The following STOX2 variants were observed in gnomAD, a reference collection of about 807,000 sequenced individuals.
STOX2 encodes storkhead-box protein 2.
A neutral mutation model predicts 60.9 loss-of-function variants in STOX2; 28 were observed. The observed-to-expected ratio is 0.46, with a 90% CI of 0.34 to 0.63. The LOEUF (loss-of-function observed/expected upper bound fraction) is 0.63. Ranked by LOEUF, STOX2 falls within the 30% of genes least tolerant of loss-of-function variation. The probability of loss-of-function intolerance (pLI) is 0.01; values close to 1 mark genes in which losing one functional copy is unlikely to be tolerated. For synonymous variants in STOX2, 472 were observed against 463.9 expected (o/e 1.02, Z -0.22); for missense variants, 1,024 against 1,187.7 (o/e 0.86, Z 2.03).
At chr4:183,955,912 C>A (rs992354253) in intron 1 of STOX2, among the ~76,000 whole-genome samples, 2 of 152,134 alleles carry the variant, frequency 1.3e-5, no homozygotes, top group Non-Finnish European at 2.9e-5. Flanking sequence ...GCGCCAGTTT[C>A]CCTGGAAGAG....
chr4:183,919,438 G>C (rs578091172), intron 1 of STOX2, among the ~76,000 whole-genome samples: 1 of 152,106 alleles, frequency 6.6e-6, no homozygotes, highest in Admixed American at 6.5e-5. Context: ...AGGCCCCGCC[G>C]GGAGGTGTCT....
At position 183,906,695 on chromosome 4, in the gene STOX2, C is replaced by CT; in HGVS notation, c.-96_-95insT. On this transcript the variant is annotated 5_prime_UTR_variant, in exon 1 of 4. The change abolishes the stop of an existing upstream ORF in the 5' untranslated region. Coordinates refer to ENST00000308497, the MANE Select transcript of STOX2 (RefSeq NM_020225.3). ...GGGGCTGGGAAAATGTGCGCAGAGTCCGCCCGGGTCGTGCCCGCCGTAGAC... is the reference window on the plus strand; with the variant it reads ...GGGGCTGGGAAAATGTGCGCAGAGTCTCGCCCGGGTCGTGCCCGCCGTAGAC... The CT allele has an allele frequency of 7.6e-7, 1 of 1,321,254 alleles. No individual in the cohort carries two copies. The highest frequency in any genetic ancestry group is 3.0e-5 in the Admixed American group (1 of 33,482). The allele number at this position is 1,321,254 out of a possible 1,614,324, so 81.8% of individuals were successfully genotyped here.
intron 1 of STOX2, among the ~76,000 whole-genome samples, chr4:183,838,200 T>C (rs1038227213): frequency 2.7e-5 from 4 of 150,512 alleles, no homozygotes; most frequent in African/African-American, 9.7e-5. Flanking sequence ...TTTAAATAAT[T>C]CAATACATAT....
intron 1 of STOX2, among the ~76,000 whole-genome samples, chr4:183,955,027 T>G (rs1028637054): frequency 2.6e-5 from 4 of 152,242 alleles, no homozygotes; most frequent in South Asian, 2.1e-4. Context: ...ATTCTCATTC[T>G]CAGAGGTAAT....
chr4:184,004,172 A>C (rs986939658), intron 2 of STOX2, among the ~76,000 whole-genome samples: 4 of 152,156 alleles, frequency 2.6e-5, no homozygotes, highest in African/African-American at 4.8e-5. Context: ...TTTTGAGCCT[A>C]AGTATTATTA....
intron 1 of STOX2, among the ~76,000 whole-genome samples, chr4:183,811,098 GC>G (rs1301931855): frequency 6.6e-6 from 1 of 152,122 alleles, no homozygotes; most frequent in Non-Finnish European, 1.5e-5. Context: ...GTACAGATGG[GC>G]CTACGAGAAG....
rs924570169 is a variant in STOX2 at position 183,856,668 on chromosome 4, CG to C, written c.364+58618del. Among the ~76,000 whole-genome samples, 2 of 152,096 alleles carry C rather than the reference CG, an allele frequency of 1.3e-5. No individual in the cohort carries two copies. The highest frequency in any genetic ancestry group is 4.8e-5 in the African/African-American group (2 of 41,404). On this transcript the variant is annotated intron_variant, in intron 1 of 2. Transcript: ENST00000513034. The surrounding 1 kb of genome is among the most constrained non-coding windows in gnomAD (Gnocchi z 4.0). ...AGTTAGCTGTCTCGGACTCGGACCCCGGGGGATGATAGCTCCCTTGCCCAAG... is the reference window on the plus strand; with the variant it reads ...AGTTAGCTGTCTCGGACTCGGACCCCGGGGATGATAGCTCCCTTGCCCAAG...
intron 1 of STOX2, among the ~76,000 whole-genome samples, chr4:183,824,308 A>G (rs1391222269): frequency 6.6e-6 from 1 of 152,198 alleles, no homozygotes; most frequent in Non-Finnish European, 1.5e-5. Flanking sequence ...AATGTTCCTC[A>G]TATTTTATTA....
At chr4:183,951,611 C>T (rs546444864) in intron 1 of STOX2, among the ~76,000 whole-genome samples, 22 of 151,744 alleles carry the variant, frequency 1.4e-4, no homozygotes, top group Non-Finnish European at 2.4e-4. Flanking sequence ...CCGCTGCGCT[C>T]GGCAAGGAAG....
At chr4:183,829,266 G>GA (rs908071278) in intron 1 of STOX2, among the ~76,000 whole-genome samples, 1 of 152,048 alleles carries the variant, frequency 6.6e-6, no homozygotes, top group Non-Finnish European at 1.5e-5. Flanking sequence ...TCTTATTTTG[G>GA]AAAAATTAAA....
At chr4:183,887,268 G>GAA (rs11423476) in intron 1 of STOX2, among the ~76,000 whole-genome samples, 35 of 150,150 alleles carry the variant, frequency 2.3e-4, no homozygotes, top group East Asian at 5.8e-4. Context: ...CCGCCTGAAA[G>GAA]AAAAAAAAAA....
intron 1 of STOX2, among the ~76,000 whole-genome samples, chr4:183,818,146 G>A (rs1002156931): frequency 6.6e-6 from 1 of 151,432 alleles, no homozygotes; most frequent in African/African-American, 2.4e-5. Flanking sequence ...TCTCGCAGAG[G>A]GGGACTTGGC....
intron 1 of STOX2, among the ~76,000 whole-genome samples, chr4:183,941,593 A>G (rs1742755255): frequency 6.6e-6 from 1 of 152,120 alleles, no homozygotes; most frequent in Non-Finnish European, 1.5e-5. Context: ...GAGCACCCCA[A>G]TATTCATGCA....
chr4:184,005,250 A>C (rs1040430920), intron 2 of STOX2, among the ~76,000 whole-genome samples: 2 of 152,130 alleles, frequency 1.3e-5, no homozygotes, highest in Non-Finnish European at 2.9e-5. Flanking sequence ...ACTTGAGGCC[A>C]GGAGTTTGAG....
At chr4:183,892,825 A>C (rs1741254950) in intron 1 of STOX2, among the ~76,000 whole-genome samples, 1 of 27,842 alleles carries the variant, frequency 3.6e-5, no homozygotes, top group Non-Finnish European at 1.5e-4. Context: ...ACTGTTACCT[A>C]CCAATTAGTA....
intron 1 of STOX2, among the ~76,000 whole-genome samples, chr4:183,863,566 A>ATTTC (rs1740499247): frequency 6.6e-6 from 1 of 151,598 alleles, no homozygotes; most frequent in Admixed American, 6.6e-5. Context: ...ACGAATGTTA[A>ATTTC]TTTGCCCTTT....
intron 1 of STOX2, among the ~76,000 whole-genome samples, chr4:183,802,100 G>A (rs1396926664): frequency 3.3e-5 from 5 of 152,144 alleles, no homozygotes; most frequent in African/African-American, 1.2e-4. Context: ...AGCCATGTGC[G>A]TGCTCCCCCT....
chr4:183,855,455 C>G (rs1425981232), intron 1 of STOX2, among the ~76,000 whole-genome samples: 2 of 152,142 alleles, frequency 1.3e-5, no homozygotes, highest in Non-Finnish European at 2.9e-5. Flanking sequence ...CCCCAGTGTC[C>G]TAGAAACGTT....
Position 183,806,536 on chromosome 4 carries a change from C to T in STOX2, c.364+8481C>T, listed in dbSNP as rs1199604350. Among the ~76,000 whole-genome samples the T allele has an allele frequency of 3.3e-5, 5 of 152,158 alleles. No homozygotes were observed. Among genetic ancestry groups the T allele is most frequent in the Non-Finnish European group, 5.9e-5 (4 of 68,026 alleles). Reference sequence around the variant, plus strand: ...CACTGTGAACCCCGGGATACTGCGGCGGTGCTGGCTGGAAGGCTGGCTTCC... The same window carrying T: ...CACTGTGAACCCCGGGATACTGCGGTGGTGCTGGCTGGAAGGCTGGCTTCC... On this transcript the variant is annotated intron_variant, in intron 1 of 2. Coordinates refer to the STOX2 transcript ENST00000513034. This position sits in a 1 kb window ranked among gnomAD's most constrained non-coding sequence, Gnocchi z 4.1.
Sources: allele counts gnomAD v4.1 joint callset (sites outside exome capture counted in the v4.1 genomes callset), GRCh38; gene constraint gnomAD v4.1.1; non-coding constraint Gnocchi (gnomAD v3.1); transcripts MANE v1.5; gene names NCBI Gene and HGNC (gene_info 2026-07-23, HGNC 2026-07-21).